CYP4F2: variants seen among roughly 807,000 people sequenced by gnomAD.
The protein encoded by CYP4F2 is cytochrome P450 family 4 subfamily F member 2.
Under a neutral mutation model 58.9 loss-of-function variants are expected in CYP4F2, and 58 were observed. The observed-to-expected ratio is 0.98, with a 90% CI of 0.80 to 1.23. The LOEUF (loss-of-function observed/expected upper bound fraction) is 1.23. Ranked by LOEUF, CYP4F2 falls within the 50% of genes most tolerant of loss-of-function variation. The pLI is 0.00. For synonymous variants in CYP4F2, 287 were observed against 261.1 expected (o/e 1.10, Z -0.95); for missense variants, 616 against 685.6 (o/e 0.90, Z 1.13).
chr19:15,896,765 C>A (rs1306379265), intron 2 of CYP4F2, among the ~76,000 whole-genome samples: 1 of 152,194 alleles, frequency 6.6e-6, no homozygotes, highest in Non-Finnish European at 1.5e-5. Flanking sequence ...TCCATCAATC[C>A]TGCCATTTGC....
intron 9 of CYP4F2, among the ~76,000 whole-genome samples, chr19:15,884,782 GCCCCTGGCC>G (rs1408284359): frequency 6.6e-6 from 1 of 152,084 alleles, no homozygotes; most frequent in Non-Finnish European, 1.5e-5. Context: ...CCTTCCTCCA[GCCCCTGGCC>G]TGGCTCTGGT....
intron 2 of CYP4F2, among the ~76,000 whole-genome samples, chr19:15,896,361 T>A (rs2089448677): frequency 2.0e-5 from 3 of 152,132 alleles, no homozygotes; most frequent in Non-Finnish European, 4.4e-5. Context: ...CAAGGGTGCA[T>A]CCCAGGGCAG....
At position 15,897,603 on chromosome 19, in the gene CYP4F2, C is replaced by G. The variant is rs781254717; in HGVS notation, c.9G>C (p.Gln3His). The G allele has an allele frequency of 9.9e-6, 16 of 1,613,542 alleles. No homozygotes were observed. Among genetic ancestry groups the G allele is most frequent in the Non-Finnish European group, 1.4e-5 (16 of 1,179,840 alleles). Reference protein sequence around the residue: MSQLSLSWLGLWP... With the variant: MSHLSLSWLGLWP... ...AGAGGCCCAGCCAGGACAGGCTCAG[C>G]TGGGACATCCTGCAGGGCAGACGGG... The change falls in exon 2 of 13, where the codon CAG becomes CAC. Residue 3 changes from glutamine to histidine, a missense_variant. Coordinates refer to ENST00000221700, the MANE Select transcript of CYP4F2 (RefSeq NM_001082.5).
chr19:15,886,343 C>G (rs776851543), intron 7 of CYP4F2, 35 bp from the exon 8 acceptor site: 2 of 1,606,872 alleles, frequency 1.2e-6, no homozygotes, highest in South Asian at 1.1e-5. Context: ...CCAACCCCCA[C>G]CCCCATAAAA....
rs1045454308 is a variant in CYP4F2, at chr19:15,889,821, G to C, written c.648-128C>G. On this transcript the variant is annotated intron_variant, in intron 6 of 12. Coordinates refer to ENST00000221700, the MANE Select transcript of CYP4F2 (RefSeq NM_001082.5). ...GTATCCAGGAACAGATGACCCCACA[G>C]ATACAGGGTGGGGATCAGCATGAGA... The C allele has an allele frequency of 1.3e-5, 18 of 1,350,662 alleles. No homozygotes were observed. In the African/African-American group the frequency reaches 2.3e-4, roughly 17 times the overall value. 83.7% of individuals were successfully genotyped at this position (1,350,662 alleles called of 1,614,324 possible).
At position 15,879,799 on chromosome 19, in the gene CYP4F2, T is replaced by A. The variant is rs1395843162; in HGVS notation, c.1214A>T (p.Asp405Val). The change falls in exon 10 of 13, where the codon GAC becomes GTC. Residue 405 changes from aspartate to valine, a missense_variant. Asp to Val is a radical substitution (Grantham distance 152). Transcript: ENST00000221700. ...VPVISRHVTQ[D>V]IVLPDGRVIP... The stretch of plus-strand genomic sequence containing the variant: ...GACCCGGCCGTCTGGGAGCACAATG[T>A]CCTGGGTGACATGGCGGGAGATGAC... The A allele has an allele frequency of 6.2e-7, 1 of 1,614,106 alleles. No homozygotes were observed. Among genetic ancestry groups the A allele is most frequent in the South Asian group, 1.1e-5 (1 of 91,082 alleles).
chr19:15,890,087 T>C (rs904861197), intron 6 of CYP4F2, among the ~76,000 whole-genome samples: 5 of 152,196 alleles, frequency 3.3e-5, no homozygotes, highest in Admixed American at 1.3e-4. Flanking sequence ...CATTTAGTGC[T>C]ACATTAGTCA....
intron 5 of CYP4F2, 24 bp from the exon 6 acceptor site, chr19:15,890,457 T>C: frequency 6.2e-7 from 1 of 1,613,286 alleles, no homozygotes; most frequent in Non-Finnish European, 8.5e-7. Flanking sequence ...GGGACAGAGC[T>C]GGGGCAGGCT....
chr19:15,887,822 A>G (rs117989390), intron 7 of CYP4F2, among the ~76,000 whole-genome samples: 2,731 of 152,160 alleles, frequency 0.018, 36 homozygotes, highest in Non-Finnish European at 0.027. Context: ...AGACTTAGAA[A>G]CACAAACACA....
chr19:15,897,106 G>A (rs1448319395), intron 2 of CYP4F2, among the ~76,000 whole-genome samples: 1 of 152,142 alleles, frequency 6.6e-6, no homozygotes, highest in Non-Finnish European at 1.5e-5. Context: ...GAGAATGTGG[G>A]AATGCCAGGG....
chr19:15,885,726 G>A (rs1379165538), intron 9 of CYP4F2, among the ~76,000 whole-genome samples, 198 bp downstream of exon 9: 2 of 152,224 alleles, frequency 1.3e-5, no homozygotes, highest in Non-Finnish European at 2.9e-5. Context: ...CAGAAGCCCA[G>A]GTCTTTCTGT....
chr19:15,895,526 C>A lies in CYP4F2; in HGVS notation c.323G>T (p.Arg108Leu). Reference protein sequence around the residue: ...LLSLCHPDIIRSVINASAAIA... With the variant: ...LLSLCHPDIILSVINASAAIA... ...GGTACCTGAGGCGTTGATGACAGAC[C>A]GGATGATGTCGGGGTGGCACAAACT... Residue 108 changes from arginine to leucine, a missense_variant, in exon 3 of 13, where the codon CGG (arginine) becomes CTG (leucine). By Grantham distance (102) the Arg-to-Leu change is moderately radical. Transcript: ENST00000221700. 6.5e-7 allele frequency: 1 copy of A among 1,536,680 alleles called. No individual in the cohort carries two copies. Among genetic ancestry groups the A allele is most frequent in the Non-Finnish European group, 8.7e-7 (1 of 1,151,714 alleles).
intron 12 of CYP4F2, 87 bp from the exon 13 acceptor site, chr19:15,879,023 C>T (rs2089325226): frequency 2.6e-6 from 4 of 1,564,686 alleles, no homozygotes; most frequent in East Asian, 2.2e-5. Flanking sequence ...GGACACCCAA[C>T]CCCACCTAGA....
chr19:15,886,604 G>A (rs181866690), intron 7 of CYP4F2: 6 of 403,810 alleles, frequency 1.5e-5, no homozygotes, highest in African/African-American at 1.0e-4. Flanking sequence ...CTGAGTTACA[G>A]GAGAATTAAA....
In CYP4F2 at chr19:15,886,235, C is replaced by T. The variant is rs760933786; in HGVS notation, c.985+7G>A. On this transcript the variant is annotated splice_region_variant and intron_variant, in intron 8 of 12. Transcript: ENST00000221700. Reference sequence around the variant, plus strand: ...TCCCCTCTCTAGCCCCACACTGGGGCCCTCACCCTCAAACATAAAGGTGTC... The same window carrying T: ...TCCCCTCTCTAGCCCCACACTGGGGTCCTCACCCTCAAACATAAAGGTGTC... 9.2e-5 allele frequency: 148 copies of T among 1,613,880 alleles called. No homozygotes were observed. The highest frequency in any genetic ancestry group is 1.2e-4 in the Non-Finnish European group (144 of 1,179,988).
At chr19:15,884,058 CAAAG>C (rs1032477222) in intron 9 of CYP4F2, among the ~76,000 whole-genome samples, 4 of 147,330 alleles carry the variant, frequency 2.7e-5, no homozygotes, top group Admixed American at 2.1e-4. Context: ...GACTCTGTCT[CAAAG>C]AAAGAAAGAA....
At position 15,886,314 on chromosome 19, in the gene CYP4F2, G is replaced by T; in HGVS notation, c.919-6C>A. ...AACTTCTTCCCGTCTTCATCCTGGA[G>T]AGAAGGCAGTAACCCCCCCCAACCC... On this transcript the variant is annotated splice_polypyrimidine_tract_variant and splice_region_variant and intron_variant, in intron 7 of 12. Coordinates refer to ENST00000221700, the MANE Select transcript of CYP4F2 (RefSeq NM_001082.5). 6.2e-7 allele frequency: 1 copy of T among 1,611,466 alleles called. No homozygotes were observed. Among genetic ancestry groups the T allele is most frequent in the Non-Finnish European group, 8.5e-7 (1 of 1,179,660 alleles).
In CYP4F2 at chr19:15,892,423, C is replaced by A; in HGVS notation, c.411G>T (p.Leu137=). 6.2e-7 allele frequency: 1 copy of A among 1,614,214 alleles called. No individual in the cohort carries two copies. Among genetic ancestry groups the A allele is most frequent in the Non-Finnish European group, 8.5e-7 (1 of 1,180,036 alleles). ...GGCTCCACTTGTCACCAGCACTCAG[C>A]AGGAGCCCATCCCCTAGCAGGGCAG... ...FLEPWLGDGL[L]LSAGDKWSRH... The change falls in exon 5 of 13, where the codon CTG becomes CTT. Residue 137 remains leucine, a synonymous_variant. Transcript: ENST00000221700.
intron 2 of CYP4F2, 64 bp downstream of exon 2, chr19:15,897,340 CACTCCCTAAG>C: frequency 7.2e-7 from 1 of 1,394,310 alleles, no homozygotes; most frequent in Non-Finnish European, 9.9e-7. Context: ...CCTTCACCCC[CACTCCCTAAG>C]CCTCGTACCC....
Sources: allele counts gnomAD v4.1 joint callset (sites outside exome capture counted in the v4.1 genomes callset), GRCh38; gene constraint gnomAD v4.1.1; transcripts MANE v1.5; gene names NCBI Gene and HGNC (gene_info 2026-07-23, HGNC 2026-07-21).